The following MID2 variants were observed in gnomAD, a reference collection of about 807,000 sequenced individuals.
MID2 encodes the protein midline 2.
MID2 carries 13 observed loss-of-function variants against 46.1 expected under a neutral mutation model. The observed-to-expected ratio is 0.28, with a 90% CI of 0.18 to 0.45. MID2 has a LOEUF of 0.45. MID2 is among the 20% of genes least tolerant of loss of function. The pLI, the probability that MID2 is intolerant of heterozygous loss-of-function variation, is 1.00. For synonymous variants in MID2, 199 were observed against 212.3 expected (o/e 0.94, Z 0.55); for missense variants, 431 against 575.4 (o/e 0.75, Z 2.57).
intron 3 of MID2, among the ~76,000 whole-genome samples, chrX:107,863,165 A>G (rs1031153406): frequency 1.8e-5 from 2 of 112,466 alleles, no homozygotes; most frequent in African/African-American, 6.5e-5. Flanking sequence ...AATGCATTCA[A>G]TCCTTTTTAA....
chrX:107,894,829 G>GTGTA, intron 3 of MID2: 1 of 10,296 alleles, frequency 9.7e-5, no homozygotes, highest in Admixed American at 1.7e-3. Context: ...AGTGGGGTGA[G>GTGTA]TGTGTGTGTG....
intron 7 of MID2, among the ~76,000 whole-genome samples, chrX:107,922,390 G>A (rs960087165): frequency 1.2e-4 from 13 of 112,438 alleles, no homozygotes; most frequent in Admixed American, 5.6e-4. Context: ...CTGTTCGTCT[G>A]AAATGCAGTT....
At chrX:107,925,190 T>C (rs1000240136) in intron 8 of MID2, among the ~76,000 whole-genome samples, 6 of 112,572 alleles carry the variant, frequency 5.3e-5, no homozygotes, top group Non-Finnish European at 1.1e-4. Flanking sequence ...TCCCCTGCTC[T>C]GTCTGACTTC....
intron 1 of MID2, among the ~76,000 whole-genome samples, chrX:107,830,453 GCT>G (rs1812404669): frequency 8.9e-6 from 1 of 112,079 alleles, no homozygotes; most frequent in South Asian, 3.7e-4. Flanking sequence ...CGAGAATGAA[GCT>G]CTGTGTTCAT....
At chrX:107,896,954 G>T (rs1401277276) in intron 3 of MID2, among the ~76,000 whole-genome samples, 1 of 110,971 alleles carries the variant, frequency 9.0e-6, no homozygotes, top group Admixed American at 9.6e-5. Context: ...ATGTTTTCTC[G>T]GTTTCTTCTA....
At chrX:107,848,556 C>A (rs1931540327) in intron 2 of MID2, among the ~76,000 whole-genome samples, 1 of 111,123 alleles carries the variant, frequency 9.0e-6, no homozygotes. Context: ...GATGGCAAGT[C>A]TTTCACCTGG....
At chrX:107,921,665 C>T (rs1933076743) in intron 7 of MID2, among the ~76,000 whole-genome samples, 1 of 111,408 alleles carries the variant, frequency 9.0e-6, no homozygotes, top group Admixed American at 9.5e-5. Flanking sequence ...TCCCCATTTC[C>T]TCCCATTTGT....
intron 2 of MID2, among the ~76,000 whole-genome samples, chrX:107,850,176 CCA>C (rs1479937261): frequency 2.2e-5 from 2 of 91,722 alleles, no homozygotes; most frequent in East Asian, 3.1e-4. Context: ...ACACACACAT[CCA>C]CACACACACA....
chrX:107,924,509 G>A lies in MID2; in HGVS notation c.1597+5G>A, dbSNP rs985341277. The A allele has an allele frequency of 8.3e-7, 1 of 1,210,138 alleles. No homozygotes were observed. Among genetic ancestry groups the A allele is most frequent in the Non-Finnish European group, 1.1e-6 (1 of 894,222 alleles). ...CTACCCGACTAAAAACAAACAGTAC[G>A]TTGTGGTGATTTCAAAAGGAAAGAT... On this transcript the variant is annotated splice_donor_5th_base_variant and intron_variant, in intron 8 of 9. Transcript: ENST00000262843.
chrX:107,845,928 G>A (rs1334166666), intron 2 of MID2, among the ~76,000 whole-genome samples: 1 of 112,176 alleles, frequency 8.9e-6, no homozygotes, highest in Non-Finnish European at 1.9e-5. Context: ...ACTAGGTTGA[G>A]AGTATATTTG....
rs138637231 is a variant in MID2 at position 107,926,133 on chromosome X, A to G, written c.1637A>G (p.Lys546Arg). 259 of 1,205,854 alleles carry G rather than the reference A, an allele frequency of 2.1e-4. No homozygotes were observed. In the African/African-American group the frequency reaches 4.1e-3, roughly 19 times the overall value. The change falls in exon 9 of 10, where the codon AAG (lysine) becomes AGG (arginine). Residue 546 changes from lysine to arginine, a missense_variant. Transcript: ENST00000262843. ...TTGGATCCCAAAATGACTCACAAGAAGTTGAAGATCTCCAATGATGGATTG... is the reference window on the plus strand; with the variant it reads ...TTGGATCCCAAAATGACTCACAAGAGGTTGAAGATCTCCAATGATGGATTG... ...FKLDPKMTHK[K>R]LKISNDGLQM...
chrX:107,829,381 A>T (rs932549245), intron 1 of MID2, among the ~76,000 whole-genome samples: 6 of 112,306 alleles, frequency 5.3e-5, no homozygotes, highest in Non-Finnish European at 7.5e-5. Flanking sequence ...AGGCATACAG[A>T]GTAATAATGA....
Position 107,841,237 on chromosome X carries a change from G to A in MID2, c.572G>A (p.Arg191Gln), listed in dbSNP as rs1448332945. 2.5e-6 allele frequency: 3 copies of A among 1,211,191 alleles called. No homozygotes were observed. The highest frequency in any genetic ancestry group is 2.2e-5 in the Admixed American group (1 of 46,016). ...GAACCAGTGCCAGACACACATCTTC[G>A]AGGGATCACCTGCCTGGACCATGAG... The part of the protein sequence containing the change: ...LVEPVPDTHL[R>Q]GITCLDHENE... Residue 191 changes from arginine to glutamine, a missense_variant, in exon 2 of 10, where the codon CGA becomes CAA. By Grantham distance (43) the Arg-to-Gln change is conservative. Coordinates refer to ENST00000262843, the MANE Select transcript of MID2 (RefSeq NM_012216.4).
chrX:107,920,664 A>G (rs1162220363), intron 7 of MID2, among the ~76,000 whole-genome samples: 2 of 112,181 alleles, frequency 1.8e-5, no homozygotes, highest in African/African-American at 6.5e-5. Context: ...TAATTCAATC[A>G]TAAGTCCCAT....
chrX:107,854,421 T>G (rs1931697513), intron 2 of MID2, among the ~76,000 whole-genome samples, 188 bp from the exon 3 acceptor site: 1 of 112,550 alleles, frequency 8.9e-6, no homozygotes, highest in African/African-American at 3.2e-5. Context: ...TCCCCAATAG[T>G]GAGCAAATGT....
chrX:107,826,531 G>A, intron 1 of MID2, 101 bp downstream of exon 1: 1 of 989,166 alleles, frequency 1.0e-6, no homozygotes, highest in Non-Finnish European at 1.3e-6. Flanking sequence ...GCCGGGGCCC[G>A]GCGTTGGCCG....
In MID2 at chrX:107,929,404, C is replaced by CAA. The variant is rs1450426578; in HGVS notation, c.*2332_*2333insAA. ...GGGTTTTCATGTCCCTGTTTGCTTACACAGCTTAATCTTTTGCCACTTTCC... is the reference window on the plus strand; with the variant it reads ...GGGTTTTCATGTCCCTGTTTGCTTACAAACAGCTTAATCTTTTGCCACTTTCC... On this transcript the variant is annotated 3_prime_UTR_variant, in exon 10 of 10. Coordinates refer to ENST00000262843, the MANE Select transcript of MID2 (RefSeq NM_012216.4). Among the ~76,000 whole-genome samples, 3 of 111,622 alleles carry CAA rather than the reference C, an allele frequency of 2.7e-5. No homozygotes were observed. The highest frequency in any genetic ancestry group is 5.7e-5 in the Non-Finnish European group (3 of 53,050).
rs1225063276 is a variant in MID2 at position 107,927,733 on chromosome X, G to A, written c.*660G>A. ...ACTAGAACAAAAAACTTTTTAATTT[G>A]CTAATTTGAGTGAGAAATATACTGG... On this transcript the variant is annotated 3_prime_UTR_variant, in exon 10 of 10. Coordinates refer to ENST00000262843, the MANE Select transcript of MID2 (RefSeq NM_012216.4). Among the ~76,000 whole-genome samples the A allele has an allele frequency of 9.1e-6, 1 of 110,267 alleles. No individual in the cohort carries two copies. Among genetic ancestry groups the A allele is most frequent in the Non-Finnish European group, 1.9e-5 (1 of 52,673 alleles).
intron 7 of MID2, among the ~76,000 whole-genome samples, chrX:107,921,509 C>T (rs921536233): frequency 1.8e-5 from 2 of 111,034 alleles, no homozygotes; most frequent in African/African-American, 3.3e-5. Context: ...ATCCCTACCC[C>T]CACCCTTGTT....
Sources: gnomAD v4.1 joint callset for allele counts (sites outside exome capture counted in the v4.1 genomes callset) on GRCh38, gnomAD v4.1.1 for gene constraint, MANE v1.5 for transcripts, NCBI Gene and HGNC (gene_info 2026-07-23, HGNC 2026-07-21) for gene names.